Variants in HPSE2 observed in about 807,000 individuals in gnomAD.
HPSE2 encodes heparanase 2 (inactive), also known as inactive heparanase-2.
In HPSE2, 38 loss-of-function variants were observed where a neutral mutation model predicts 60.5. The observed-to-expected ratio is 0.63, with a 90% CI of 0.48 to 0.82. The LOEUF is 0.82. Among genes scored for constraint, HPSE2 ranks in the 40% least tolerant of loss-of-function variants. HPSE2 has a pLI of 0.00. For missense variants in HPSE2, 713 were observed against 740.4 expected, an observed-to-expected ratio of 0.96 and a Z score of 0.43; for synonymous variants, 295 against 293.2, an observed-to-expected ratio of 1.01 and a Z score of -0.06.
chr10:98,491,740 T>G (rs904594738), intron 9 of HPSE2, among the ~76,000 whole-genome samples: 8 of 152,228 alleles, frequency 5.3e-5, no homozygotes, highest in Non-Finnish European at 1.0e-4. Context: ...TAGTGAATGG[T>G]AGACTATGAA....
At chr10:99,081,216 G>T (rs1019896300) in intron 3 of HPSE2, among the ~76,000 whole-genome samples, 2 of 152,216 alleles carry the variant, frequency 1.3e-5, no homozygotes, top group Non-Finnish European at 2.9e-5. Flanking sequence ...TGGTAAGAAA[G>T]AAATACATAT....
At chr10:98,882,828 TACA>T (rs1267308271) in intron 3 of HPSE2, among the ~76,000 whole-genome samples, 3 of 152,096 alleles carry the variant, frequency 2.0e-5, no homozygotes, top group African/African-American at 7.2e-5. Flanking sequence ...TCTATTTCTT[TACA>T]ACAATACTAT....
intron 3 of HPSE2, among the ~76,000 whole-genome samples, chr10:98,912,968 G>A (rs188900642): frequency 2.0e-4 from 30 of 152,242 alleles, no homozygotes; most frequent in East Asian, 1.7e-3. Flanking sequence ...ATAAATGCTT[G>A]AGGGAATGGA....
At chr10:99,308,379 C>CAAAAAAAAAAAAAAAAAAAACAAAAAAAA in the HPSE2 span, among the ~76,000 whole-genome samples, 1 of 28,148 alleles carries the variant, frequency 3.6e-5, no homozygotes, top group African/African-American at 1.4e-4. Flanking sequence ...GACTCTGTCT[C>CAAAAAAAAAAAAAAAAAAAACAAAAAAAA]AAAAAAAAAA....
Position 98,987,187 on chromosome 10 carries a change from CA to C in HPSE2, c.610+157050del, listed in dbSNP as rs891427961. Among the ~76,000 whole-genome samples, 652 of 144,722 alleles carry C rather than the reference CA, an allele frequency of 4.5e-3. 1 individual carries two copies. The highest frequency in any genetic ancestry group is 0.015 in the African/African-American group (593 of 39,530). 94.9% of individuals were successfully genotyped at this position (144,722 alleles called of 152,430 possible). ...ATACCAAAGCCTGGCAGAGAGACAA[CA>C]AAAAAAAAAGAGAATTTTAGACCAA... On this transcript the variant is annotated intron_variant, in intron 3 of 11. Transcript: ENST00000370552.
intron 3 of HPSE2, among the ~76,000 whole-genome samples, chr10:98,960,726 A>ATTTTTTTTTTTTTTTTTTTT (rs68091060): frequency 1.9e-5 from 2 of 102,606 alleles, no homozygotes; most frequent in African/African-American, 8.0e-5. Flanking sequence ...TTTTTGTTTT[A>ATTTTTTTTTTTTTTTTTTTT]TTTTTTTTAT....
chr10:98,984,628 C>T (rs1249846606), intron 3 of HPSE2, among the ~76,000 whole-genome samples: 1 of 152,178 alleles, frequency 6.6e-6, no homozygotes, highest in Admixed American at 6.5e-5. Flanking sequence ...AGCAATGGAA[C>T]AAAGCTGGAT....
chr10:99,096,999 G>T (rs1843740418), intron 3 of HPSE2, among the ~76,000 whole-genome samples: 1 of 152,130 alleles, frequency 6.6e-6, no homozygotes, highest in Non-Finnish European at 1.5e-5. Flanking sequence ...TGCATCTAAG[G>T]TTCCATCAGG....
At chr10:99,084,457 T>C (rs986681286) in intron 3 of HPSE2, among the ~76,000 whole-genome samples, 1 of 152,164 alleles carries the variant, frequency 6.6e-6, no homozygotes, top group Non-Finnish European at 1.5e-5. Flanking sequence ...AGGTCAAAGT[T>C]CCTAAAAGAG....
intron 3 of HPSE2, among the ~76,000 whole-genome samples, chr10:98,837,532 G>A (rs1173298351): frequency 6.6e-6 from 1 of 152,162 alleles, no homozygotes; most frequent in Admixed American, 6.5e-5. Context: ...CCAAAATCAG[G>A]ATTGTGGTTA....
intron 9 of HPSE2, among the ~76,000 whole-genome samples, chr10:98,557,985 C>A (rs973812471): frequency 1.3e-5 from 2 of 151,940 alleles, no homozygotes; most frequent in African/African-American, 2.4e-5. Flanking sequence ...ATGAATAAAA[C>A]CCTGAACAGA....
At chr10:98,973,282 A>G (rs762531675) in intron 3 of HPSE2, among the ~76,000 whole-genome samples, 2 of 152,196 alleles carry the variant, frequency 1.3e-5, no homozygotes, top group Admixed American at 6.5e-5. Flanking sequence ...GCAATTTTCT[A>G]TGTTTAAGCT....
chr10:98,670,431 G>A (rs1420088126), intron 6 of HPSE2, among the ~76,000 whole-genome samples: 2 of 152,166 alleles, frequency 1.3e-5, no homozygotes, highest in Non-Finnish European at 2.9e-5. Flanking sequence ...TCAGGTTTGG[G>A]ATTTTTTCAT....
At chr10:99,037,581 T>C (rs1032439533) in intron 3 of HPSE2, among the ~76,000 whole-genome samples, 12 of 151,944 alleles carry the variant, frequency 7.9e-5, no homozygotes, top group South Asian at 2.1e-4. Context: ...TACATACATA[T>C]ATGTACATAA....
intron 11 of HPSE2, among the ~76,000 whole-genome samples, chr10:98,479,152 A>T (rs1181915936): frequency 6.6e-6 from 1 of 152,176 alleles, no homozygotes; most frequent in Non-Finnish European, 1.5e-5. Flanking sequence ...GCAATCAAAG[A>T]AGTCTTCTGG....
chr10:98,561,165 G>GTTTT (rs141881144), intron 9 of HPSE2, among the ~76,000 whole-genome samples: 4 of 145,064 alleles, frequency 2.8e-5, no homozygotes, highest in Admixed American at 6.9e-5. Flanking sequence ...TTTTTTTTTT[G>GTTTT]TTCTTTTTTT....
At chr10:98,997,199 G>A (rs1339263767) in intron 3 of HPSE2, among the ~76,000 whole-genome samples, 3 of 137,104 alleles carry the variant, frequency 2.2e-5, no homozygotes, top group Admixed American at 8.1e-5. Context: ...TGCAACCTCC[G>A]CCTCCCGGGT....
At chr10:99,151,237 G>A (rs1188966110) in intron 2 of HPSE2, among the ~76,000 whole-genome samples, 1 of 149,336 alleles carries the variant, frequency 6.7e-6, no homozygotes, top group East Asian at 2.0e-4. Context: ...AATATTACAA[G>A]CCATGCAAAA....
chr10:99,298,813 T>C, the HPSE2 span, among the ~76,000 whole-genome samples: 1 of 152,150 alleles, frequency 6.6e-6, no homozygotes. Context: ...TAGCTGGGAC[T>C]ACAGGCATGT....
Sources: allele counts gnomAD v4.1 joint callset (sites outside exome capture counted in the v4.1 genomes callset), GRCh38; gene constraint gnomAD v4.1.1; transcripts MANE v1.5; gene names NCBI Gene and HGNC (gene_info 2026-07-23, HGNC 2026-07-21).